Variants in KIR2DL1 observed in about 807,000 individuals in gnomAD.
The protein encoded by KIR2DL1 is killer cell immunoglobulin-like receptor 2DL1.
In KIR2DL1, 38 loss-of-function variants were observed where a neutral mutation model predicts 33.9. The ratio of observed to expected loss-of-function variants is 1.12; its 90% CI spans 0.86 to 1.47. The LOEUF (loss-of-function observed/expected upper bound fraction) is 1.47, where lower values mean the gene tolerates loss of function less well. KIR2DL1 is among the 40% of genes most tolerant of loss of function. The pLI, the probability that KIR2DL1 is intolerant of heterozygous loss-of-function variation, is 0.00. For missense variants in KIR2DL1, 531 were observed against 433.9 expected (o/e 1.22, Z -1.99); for synonymous variants, 179 against 165.9 (o/e 1.08, Z -0.61).
intron 5 of KIR2DL1, among the ~76,000 whole-genome samples, chr19:54,781,544 A>G (rs1189047550): frequency 6.6e-6 from 1 of 150,584 alleles, no homozygotes; most frequent in African/African-American, 2.4e-5. Context: ...GTGAGTCCAG[A>G]TCTTGGAATC....
chr19:54,773,320 C>T lies in KIR2DL1; in HGVS notation c.71-13C>T, dbSNP rs77552086. 7.1e-6 allele frequency: 11 copies of T among 1,555,528 alleles called. No homozygotes were observed. The highest frequency in any genetic ancestry group is 7.0e-5 in the South Asian group (6 of 85,966). ...AGAGAGACACCTTCTAAACTCACAA[C>T]CTCTCTTCCTAGGAGTCCACAGAAA... On this transcript the variant is annotated splice_polypyrimidine_tract_variant and intron_variant, in intron 2 of 7. Coordinates refer to ENST00000336077, the MANE Select transcript of KIR2DL1 (RefSeq NM_014218.3).
Position 54,773,539 on chromosome 19 carries a change from G to A in KIR2DL1, c.277G>A (p.Asp93Asn). 6.3e-7 allele frequency: 1 copy of A among 1,583,462 alleles called. No homozygotes were observed. Among genetic ancestry groups the A allele is most frequent in the Non-Finnish European group, 8.7e-7 (1 of 1,155,540 alleles). Reference sequence around the variant, plus strand: ...CTTCTCCATCAGTCGCATGACGCAAGACCTGGCAGGGACCTACAGATGCTA... The same window carrying A: ...CTTCTCCATCAGTCGCATGACGCAAAACCTGGCAGGGACCTACAGATGCTA... Reference protein sequence around the residue: ...ANFSISRMTQDLAGTYRCYGS... With the variant: ...ANFSISRMTQNLAGTYRCYGS... The change falls in exon 3 of 8, where the codon GAC (aspartate) becomes AAC (asparagine). Residue 93 changes from aspartate (D) to asparagine (N), a missense_variant. Asp to Asn is a conservative substitution (Grantham distance 23). Transcript: ENST00000336077.
rs1473471434 is a variant in KIR2DL1 at position 54,771,975 on chromosome 19, C to T, written c.70+1091C>T. On this transcript the variant is annotated intron_variant, in intron 2 of 7. Coordinates refer to ENST00000336077, the MANE Select transcript of KIR2DL1 (RefSeq NM_014218.3). ...CTGGTGGGCGTGTCCTTGCGGGTCC[C>T]ATCATGCAAGTCCTGACTGTATTTG... Among the ~76,000 whole-genome samples, 4 of 148,028 alleles carry T rather than the reference C, an allele frequency of 2.7e-5. 2 individuals are homozygous for T. Among genetic ancestry groups the T allele is most frequent in the African/African-American group, 9.9e-5 (4 of 40,494 alleles).
At chr19:54,775,506 A>G (rs2076226485) in intron 4 of KIR2DL1, 48 bp downstream of exon 4, 2 of 1,508,186 alleles carry the variant, frequency 1.3e-6, no homozygotes, top group Admixed American at 1.9e-5. Context: ...CTAGAGCCTT[A>G]GCTGAGGAGC....
chr19:54,771,574 C>T lies in KIR2DL1; in HGVS notation c.70+690C>T, dbSNP rs539957134. ...GCACAGGGAGGGAGGGGCGGCTCCA[C>T]ATCCTCCTCTCTAAGGCGGTGCCTC... On this transcript the variant is annotated intron_variant, in intron 2 of 7. Transcript: ENST00000336077. 2.0e-4 allele frequency among the ~76,000 whole-genome samples: 29 copies of T among 147,602 alleles called. 3 individuals carry two copies. The highest frequency in any genetic ancestry group is 1.4e-3 in the Admixed American group (21 of 14,584).
chr19:54,778,015 C>G (rs1367440715), intron 4 of KIR2DL1, among the ~76,000 whole-genome samples: 1 of 148,570 alleles, frequency 6.7e-6, no homozygotes, highest in Non-Finnish European at 1.5e-5. Flanking sequence ...AATTTCAGCA[C>G]TTTGGGAGCC....
Position 54,773,675 on chromosome 19 carries a change from G to C in KIR2DL1, c.370+43G>C, listed in dbSNP as rs1396638737. 54 of 1,527,020 alleles carry C rather than the reference G, an allele frequency of 3.5e-5. 2 individuals are homozygous for C. The highest frequency in any genetic ancestry group is 1.8e-4 in the Middle Eastern group (1 of 5,418). The allele number at this position is 1,527,020 out of a possible 1,614,324, so 94.6% of individuals were successfully genotyped here. On this transcript the variant is annotated intron_variant, in intron 3 of 7. Coordinates refer to ENST00000336077, the MANE Select transcript of KIR2DL1 (RefSeq NM_014218.3). ...TTCTTCTCATTGTCATTGGGATGCA[G>C]AGTGAATGATCCAGGAATTGGAGAC...
chr19:54,777,936 C>T (rs1324638272), intron 4 of KIR2DL1, among the ~76,000 whole-genome samples: 1 of 148,144 alleles, frequency 6.8e-6, no homozygotes, highest in Admixed American at 6.9e-5. Context: ...CTGTCCTTTC[C>T]TGATTGTGAG....
In KIR2DL1 at chr19:54,769,845, A is replaced by C; in HGVS notation, c.-6A>C. On this transcript the variant is annotated 5_prime_UTR_variant, in exon 1 of 8. Coordinates refer to ENST00000336077, the MANE Select transcript of KIR2DL1 (RefSeq NM_014218.3). ...GTCGCGGCTGCCTGTCTGCTCCGGC[A>C]GCACCATGTCGCTCTTGGTCGTCAG... 1.3e-6 allele frequency: 2 copies of C among 1,569,952 alleles called. No individual in the cohort carries two copies. Among genetic ancestry groups the C allele is most frequent in the South Asian group, 2.2e-5 (2 of 89,306 alleles).
chr19:54,773,401 C>G lies in KIR2DL1; in HGVS notation c.139C>G (p.Leu47Val). 8 of 1,595,652 alleles carry G rather than the reference C, an allele frequency of 5.0e-6. No homozygotes were observed. The Admixed American group carries it at 1.4e-4, about 27-fold the overall frequency. Reference protein sequence around the residue: ...RLVKSEETVILQCWSDVMFEH... With the variant: ...RLVKSEETVIVQCWSDVMFEH... The stretch of plus-strand genomic sequence containing the variant: ...GGTGAAATCAGAAGAGACAGTCATC[C>G]TGCAGTGTTGGTCAGATGTCATGTT... The change falls in exon 3 of 8, where the codon CTG becomes GTG. Residue 47 changes from leucine to valine, a missense_variant. Leu to Val is a conservative substitution (Grantham distance 32). Coordinates refer to ENST00000336077, the MANE Select transcript of KIR2DL1 (RefSeq NM_014218.3).
intron 3 of KIR2DL1, among the ~76,000 whole-genome samples, 166 bp downstream of exon 3, chr19:54,773,798 G>A (rs1178516689): frequency 6.8e-6 from 1 of 147,856 alleles, no homozygotes; most frequent in Non-Finnish European, 1.5e-5. Context: ...GGAGACACAA[G>A]TAGAGACCAG....
chr19:54,776,525 GA>G lies in KIR2DL1; in HGVS notation c.664+1069del, dbSNP rs1347666907. 2.0e-5 allele frequency among the ~76,000 whole-genome samples: 3 copies of G among 147,274 alleles called. No individual in the cohort carries two copies. In the East Asian group the frequency reaches 5.8e-4, roughly 29 times the overall value. On this transcript the variant is annotated intron_variant, in intron 4 of 7. Transcript: ENST00000336077. ...GTTGACTCCTCATCTTGGCTACTGT[GA>G]ACAGTGCTGCACCAATCATACGAGT...
Position 54,772,772 on chromosome 19 carries a change from C to G in KIR2DL1, c.71-561C>G, listed in dbSNP as rs1000990420. On this transcript the variant is annotated intron_variant, in intron 2 of 7. Coordinates refer to ENST00000336077, the MANE Select transcript of KIR2DL1 (RefSeq NM_014218.3). ...GTTGGCTACACTGAGATCAGCAAGG[C>G]TCAGATGATGATGCCACCACCAGGC... Among the ~76,000 whole-genome samples the G allele has an allele frequency of 5.6e-5, 6 of 107,224 alleles. 1 individual carries two copies. Among genetic ancestry groups the G allele is most frequent in the Non-Finnish European group, 1.2e-4 (6 of 48,916 alleles). The allele number at this position is 107,224 out of a possible 152,430, so 70.3% of individuals were successfully genotyped here.
At chr19:54,779,820 G>C (rs1215940593) in intron 5 of KIR2DL1, among the ~76,000 whole-genome samples, 2 of 144,302 alleles carry the variant, frequency 1.4e-5, no homozygotes, top group Admixed American at 1.4e-4. Context: ...TTAAATGGGA[G>C]GGCAGAAAAT....
In KIR2DL1 at chr19:54,782,923, T is replaced by C; in HGVS notation, c.717T>C (p.Gly239=). 6.2e-7 allele frequency: 1 copy of C among 1,613,474 alleles called. No individual in the cohort carries two copies. The highest frequency in any genetic ancestry group is 8.5e-7 in the Non-Finnish European group (1 of 1,179,652). The change falls in exon 6 of 8, where the codon GGT becomes GGC. Residue 239 remains glycine (G), a splice_region_variant and synonymous_variant. Coordinates refer to ENST00000336077, the MANE Select transcript of KIR2DL1 (RefSeq NM_014218.3). ...PSPTEPSSKT[G]NPRHLHILIG... is the part of the protein sequence containing the mutation. Reference sequence around the variant, plus strand: ...TATTGGTGTCTCATCTTCTTCCAGGTAACCCCCGACACCTGCACATTCTGA... The same window carrying C: ...TATTGGTGTCTCATCTTCTTCCAGGCAACCCCCGACACCTGCACATTCTGA...
Position 54,784,111 on chromosome 19 carries a change from G to C in KIR2DL1, c.*298G>C. 2 of 554,850 alleles carry C rather than the reference G, an allele frequency of 3.6e-6. No homozygotes were observed. Among genetic ancestry groups the C allele is most frequent in the Non-Finnish European group, 3.2e-6 (1 of 311,226 alleles). The allele number at this position is 554,850 out of a possible 1,614,324, so 34.4% of individuals were successfully genotyped here. The stretch of plus-strand genomic sequence containing the variant: ...CTGGCTTACTTCCTAGTCTACTTGA[G>C]GCTGCAATCACACTGAGGAACTCAC... On this transcript the variant is annotated 3_prime_UTR_variant, in exon 8 of 8. Transcript: ENST00000336077.
intron 5 of KIR2DL1, among the ~76,000 whole-genome samples, chr19:54,779,171 G>A (rs2076690114): frequency 6.7e-6 from 1 of 148,242 alleles, no homozygotes; most frequent in Non-Finnish European, 1.5e-5. Flanking sequence ...ACGGCCCCAT[G>A]CTCAGGCTGT....
chr19:54,783,465 G>T (rs565937546), intron 6 of KIR2DL1, 21 bp from the exon 7 acceptor site: 3 of 1,612,222 alleles, frequency 1.9e-6, no homozygotes, highest in African/African-American at 1.3e-5. Flanking sequence ...GAGCTGTTTT[G>T]TTGACTTCCA....
At chr19:54,771,587 A>G (rs946352626) in intron 2 of KIR2DL1, among the ~76,000 whole-genome samples, 1 of 147,358 alleles carries the variant, frequency 6.8e-6, no homozygotes, top group Admixed American at 6.9e-5. Context: ...CCTCCTCTCT[A>G]AGGCGGTGCC....
Sources: gnomAD v4.1 joint callset for allele counts (sites outside exome capture counted in the v4.1 genomes callset) on GRCh38, gnomAD v4.1.1 for gene constraint, MANE v1.5 for transcripts, NCBI Gene and HGNC (gene_info 2026-07-23, HGNC 2026-07-21) for gene names.